UST: variants seen among roughly 807,000 people sequenced by gnomAD.
The protein encoded by UST is chondroitin sulfate 2-O-sulfotransferase.
In UST, 21 loss-of-function variants were observed where a neutral mutation model predicts 45.6. The ratio of observed to expected loss-of-function variants is 0.46; its 90% CI spans 0.33 to 0.66. UST has a LOEUF of 0.66. Among genes scored for constraint, UST ranks in the 30% least tolerant of loss-of-function variants. The pLI, the probability that UST is intolerant of heterozygous loss-of-function variation, is 0.02. For synonymous variants in UST, 215 were observed against 200.6 expected (o/e 1.07, Z -0.61); for missense variants, 463 against 512.4 (o/e 0.90, Z 0.93).
At chr6:148,828,024 G>GT (rs1160890141) in intron 1 of UST, among the ~76,000 whole-genome samples, 1 of 151,944 alleles carries the variant, frequency 6.6e-6, no homozygotes, top group Non-Finnish European at 1.5e-5. Flanking sequence ...GTTGCCATAT[G>GT]TTTAAGAATG....
chr6:149,014,061 T>C (rs1775859569), intron 5 of UST, among the ~76,000 whole-genome samples: 1 of 152,220 alleles, frequency 6.6e-6, no homozygotes, highest in African/African-American at 2.4e-5. Flanking sequence ...AGCAGTTTTA[T>C]GTCTCAGGCA....
rs12200207 is a variant in UST, at chr6:148,748,228, C to T, written c.247+551C>T. Among the ~76,000 whole-genome samples the T allele has an allele frequency of 0.18, 27,428 of 152,012 alleles. 3,100 individuals carry two copies. The highest frequency in any genetic ancestry group is 0.3 in the Middle Eastern group (88 of 294). On this transcript the variant is annotated intron_variant, in intron 1 of 7. Transcript: ENST00000367463. The surrounding 1 kb of genome is among the most constrained non-coding windows in gnomAD (Gnocchi z 5.3). The stretch of plus-strand genomic sequence containing the variant: ...CCGCGCTGTCCCCGGGCTGGCTTGT[C>T]CCTTGGCTGCCGCTGCCCACCCCGC...
chr6:148,947,162 T>C lies in UST; in HGVS notation c.447+5728T>C, dbSNP rs1171516239. Among the ~76,000 whole-genome samples, 3 of 152,178 alleles carry C rather than the reference T, an allele frequency of 2.0e-5. No individual in the cohort carries two copies. The East Asian group carries it at 5.8e-4, about 29-fold the overall frequency. ...CTGGGCTTCGGAGTTGGAACTTTCT[T>C]CTGTAGACAGTGGGAAGCTATTCCA... On this transcript the variant is annotated intron_variant, in intron 3 of 7. Coordinates refer to ENST00000367463, the MANE Select transcript of UST (RefSeq NM_005715.3).
chr6:148,951,696 A>C (rs895907554), intron 3 of UST, among the ~76,000 whole-genome samples: 5 of 152,234 alleles, frequency 3.3e-5, no homozygotes, highest in African/African-American at 4.8e-5. Context: ...TGTCGCCAAA[A>C]ACAAGGAAAG....
intron 5 of UST, among the ~76,000 whole-genome samples, chr6:148,998,314 T>C (rs1357946315): frequency 6.6e-6 from 1 of 152,206 alleles, no homozygotes; most frequent in Non-Finnish European, 1.5e-5. Flanking sequence ...AGTACTAAAC[T>C]GTGGAGACGT....
chr6:148,973,838 T>C (rs1023708579), intron 5 of UST, among the ~76,000 whole-genome samples: 3 of 152,182 alleles, frequency 2.0e-5, no homozygotes, highest in African/African-American at 7.2e-5. Flanking sequence ...ATCTAAGAGA[T>C]TTGTTGGAAT....
At chr6:149,072,254 T>C (rs969922323) in intron 7 of UST, among the ~76,000 whole-genome samples, 3 of 152,208 alleles carry the variant, frequency 2.0e-5, no homozygotes, top group African/African-American at 7.2e-5. Flanking sequence ...CAAATGTTCA[T>C]TATAATAAGC....
chr6:149,059,885 T>A (rs1776627203), intron 7 of UST, among the ~76,000 whole-genome samples: 3 of 152,074 alleles, frequency 2.0e-5, no homozygotes, highest in Non-Finnish European at 4.4e-5. Context: ...CCCGCCTCCG[T>A]GATGTTTCTG....
intron 2 of UST, among the ~76,000 whole-genome samples, chr6:148,926,194 C>A (rs1582902610): frequency 6.6e-6 from 1 of 152,302 alleles, no homozygotes; most frequent in South Asian, 2.1e-4. Flanking sequence ...AGTGCTGTTA[C>A]TACAATGTCA....
At chr6:148,880,017 C>T (rs947527726) in intron 1 of UST, among the ~76,000 whole-genome samples, 6 of 147,888 alleles carry the variant, frequency 4.1e-5, no homozygotes, top group African/African-American at 1.0e-4. Context: ...TGCAGTGGCA[C>T]GATCTCAGCT....
chr6:148,851,662 C>A (rs1163416511), intron 1 of UST, among the ~76,000 whole-genome samples: 3 of 152,190 alleles, frequency 2.0e-5, no homozygotes, highest in Non-Finnish European at 4.4e-5. Flanking sequence ...ACCATTTTAG[C>A]CCATAGAAAT....
intron 1 of UST, among the ~76,000 whole-genome samples, chr6:148,841,581 G>GTTTTTTTTT (rs770638985): frequency 2.7e-5 from 3 of 111,238 alleles, no homozygotes; most frequent in Non-Finnish European, 3.7e-5. Flanking sequence ...GGTCTGTTTT[G>GTTTTTTTTT]TTTTTGTTTT....
At chr6:148,945,498 T>C (rs915386844) in intron 3 of UST, among the ~76,000 whole-genome samples, 26 of 152,216 alleles carry the variant, frequency 1.7e-4, no homozygotes, top group Non-Finnish European at 1.5e-5. Context: ...AGAGATTTTA[T>C]GATGCAGCCA....
chr6:148,871,140 C>CTCTCTCTCTT (rs1440108271), intron 1 of UST, among the ~76,000 whole-genome samples: 4 of 150,066 alleles, frequency 2.7e-5, no homozygotes, highest in Non-Finnish European at 5.9e-5. Flanking sequence ...CTCTCTCTCT[C>CTCTCTCTCTT]TCTCTCCCTC....
rs147554995 is a variant in UST at position 148,880,868 on chromosome 6, A to G, written c.248-6118A>G. 3.4e-4 allele frequency among the ~76,000 whole-genome samples: 51 copies of G among 152,138 alleles called. No homozygotes were observed. In the East Asian group the frequency reaches 6.2e-3, roughly 18 times the overall value. On this transcript the variant is annotated intron_variant, in intron 1 of 7. Coordinates refer to ENST00000367463, the MANE Select transcript of UST (RefSeq NM_005715.3). ...CATGGTGAAACCCCATCTCTACTAAAAATACAAAAAGTTAGCTGGGTGTGG... is the reference window on the plus strand; with the variant it reads ...CATGGTGAAACCCCATCTCTACTAAGAATACAAAAAGTTAGCTGGGTGTGG...
At chr6:148,999,962 T>C (rs1181420104) in intron 5 of UST, among the ~76,000 whole-genome samples, 1 of 152,208 alleles carries the variant, frequency 6.6e-6, no homozygotes, top group Non-Finnish European at 1.5e-5. Context: ...TATTATAAAA[T>C]AAGAACATCC....
At chr6:148,894,543 C>T (rs964261188) in intron 2 of UST, among the ~76,000 whole-genome samples, 1 of 152,106 alleles carries the variant, frequency 6.6e-6, no homozygotes, top group Non-Finnish European at 1.5e-5. Flanking sequence ...GAGCAGGTTC[C>T]CCCTCCAAAC....
intron 7 of UST, among the ~76,000 whole-genome samples, chr6:149,030,014 A>G (rs922960062): frequency 6.6e-6 from 1 of 152,158 alleles, no homozygotes; most frequent in Non-Finnish European, 1.5e-5. Flanking sequence ...TTTCTAAGTC[A>G]TAATTACTTG....
intron 5 of UST, among the ~76,000 whole-genome samples, chr6:149,016,430 T>C (rs906679980): frequency 3.9e-5 from 6 of 152,204 alleles, no homozygotes; most frequent in African/African-American, 1.4e-4. Flanking sequence ...ATGGAAGAGG[T>C]GTCTGCTTCC....
Sources: allele counts gnomAD v4.1 joint callset (sites outside exome capture counted in the v4.1 genomes callset), GRCh38; gene constraint gnomAD v4.1.1; non-coding constraint Gnocchi (gnomAD v3.1); transcripts MANE v1.5; gene names NCBI Gene and HGNC (gene_info 2026-07-23, HGNC 2026-07-21).